DPYD: variants seen among roughly 807,000 people sequenced by gnomAD.
DPYD encodes dihydropyrimidine dehydrogenase [NADP(+)].
In DPYD, 109 loss-of-function variants were observed where a neutral mutation model predicts 116.2. The ratio of observed to expected loss-of-function variants is 0.94; its 90% CI spans 0.80 to 1.10. The LOEUF (loss-of-function observed/expected upper bound fraction) is 1.10. DPYD is among the 50% of genes least tolerant of loss of function. The pLI, the probability that DPYD is intolerant of heterozygous loss-of-function variation, is 0.00. For synonymous variants in DPYD, 440 were observed against 432.0 expected (o/e 1.02, Z -0.23); for missense variants, 1,302 against 1,254.5 (o/e 1.04, Z -0.57).
intron 3 of DPYD, among the ~76,000 whole-genome samples, chr1:97,748,621 A>T (rs1402980517): frequency 6.6e-6 from 1 of 152,026 alleles, no homozygotes; most frequent in Non-Finnish European, 1.5e-5. Context: ...ATTAATAAAT[A>T]AAACAAAAGA....
intron 8 of DPYD, among the ~76,000 whole-genome samples, chr1:97,641,926 C>A (rs982815703): frequency 1.5e-4 from 23 of 152,094 alleles, no homozygotes; most frequent in Admixed American, 5.2e-4. Flanking sequence ...AATCAATGTG[C>A]AAAAATCACA....
At chr1:97,885,943 C>T (rs1434950398) in intron 1 of DPYD, among the ~76,000 whole-genome samples, 1 of 109,054 alleles carries the variant, frequency 9.2e-6, no homozygotes. Context: ...AGCCAGTAAA[C>T]ATGACCATTA....
chr1:97,102,270 T>C (rs575216065), intron 20 of DPYD, among the ~76,000 whole-genome samples: 1 of 151,496 alleles, frequency 6.6e-6, no homozygotes, highest in African/African-American at 2.4e-5. Context: ...CTTTATTTTC[T>C]TAATCACACT....
intron 13 of DPYD, among the ~76,000 whole-genome samples, chr1:97,471,082 GAAC>G (rs774996571): frequency 6.6e-6 from 1 of 152,142 alleles, no homozygotes; most frequent in East Asian, 1.9e-4. Flanking sequence ...GCAGAATGCA[GAAC>G]AACAATGCAG....
Position 97,920,865 on chromosome 1 carries a change from G to A in DPYD, c.39+19C>T, listed in dbSNP as rs560764730. 4.5e-5 allele frequency: 71 copies of A among 1,587,784 alleles called. No individual in the cohort carries two copies. In the South Asian group the frequency reaches 7.5e-4, roughly 17 times the overall value. On this transcript the variant is annotated intron_variant, in intron 1 of 22. Coordinates refer to ENST00000370192, the MANE Select transcript of DPYD (RefSeq NM_000110.4). ...CCCACCACCCCGCCACCACCGACGA[G>A]CCGGCGCGAAGTCCGTACCTCGATG... is the stretch of plus-strand genomic sequence containing the variant.
At chr1:97,593,180 G>A (rs1352931512) in intron 10 of DPYD, 38 bp downstream of exon 10, 1 of 1,605,354 alleles carries the variant, frequency 6.2e-7, no homozygotes, top group East Asian at 2.2e-5. Context: ...AAAATCTGTT[G>A]GAGTACAACT....
At chr1:97,179,107 G>T (rs1310927361) in intron 20 of DPYD, among the ~76,000 whole-genome samples, 3 of 151,980 alleles carry the variant, frequency 2.0e-5, no homozygotes, top group African/African-American at 4.8e-5. Context: ...AAAACCAGAG[G>T]GGACAAAGAA....
intron 20 of DPYD, among the ~76,000 whole-genome samples, chr1:97,169,498 A>C (rs1258953684): frequency 1.4e-5 from 2 of 141,316 alleles, no homozygotes; most frequent in African/African-American, 2.6e-5. Flanking sequence ...ATAATTGATT[A>C]GATTTTTTTG....
chr1:97,086,649 A>G (rs1196780416), intron 21 of DPYD, among the ~76,000 whole-genome samples: 1 of 152,188 alleles, frequency 6.6e-6, no homozygotes, highest in African/African-American at 2.4e-5. Flanking sequence ...TCTTAAAGTA[A>G]AACAAAAGTC....
intron 3 of DPYD, among the ~76,000 whole-genome samples, chr1:97,772,568 G>T (rs1393903666): frequency 6.6e-6 from 1 of 152,188 alleles, no homozygotes; most frequent in East Asian, 1.9e-4. Context: ...CAGATGCATT[G>T]TTTGTGTGTG....
At chr1:97,493,595 G>A (rs1679090192) in intron 13 of DPYD, among the ~76,000 whole-genome samples, 2 of 152,022 alleles carry the variant, frequency 1.3e-5, no homozygotes, top group South Asian at 4.2e-4. Flanking sequence ...TTCATGGGAT[G>A]TAAAACATCT....
chr1:97,768,982 A>T (rs1171634003), intron 3 of DPYD, among the ~76,000 whole-genome samples: 1 of 152,014 alleles, frequency 6.6e-6, no homozygotes, highest in Non-Finnish European at 1.5e-5. Flanking sequence ...AAACACATAA[A>T]AAACTCGAGT....
chr1:97,470,698 A>G (rs1314676800), intron 13 of DPYD, among the ~76,000 whole-genome samples: 1 of 152,206 alleles, frequency 6.6e-6, no homozygotes, highest in Non-Finnish European at 1.5e-5. Flanking sequence ...CAAAAGAATT[A>G]TAAGATTTCT....
intron 5 of DPYD, among the ~76,000 whole-genome samples, chr1:97,717,562 C>T (rs1662683242): frequency 6.6e-6 from 1 of 151,904 alleles, no homozygotes. Flanking sequence ...TACACTGTAC[C>T]CAATGGGTTG....
At chr1:97,116,951 C>A (rs1420105610) in intron 20 of DPYD, among the ~76,000 whole-genome samples, 1 of 149,246 alleles carries the variant, frequency 6.7e-6, no homozygotes, top group African/African-American at 2.5e-5. Context: ...GAGTTCGAGA[C>A]CAGCCTAGCC....
chr1:97,221,833 ACT>A (rs944719446), intron 19 of DPYD, among the ~76,000 whole-genome samples: 4 of 151,960 alleles, frequency 2.6e-5, no homozygotes, highest in Non-Finnish European at 5.9e-5. Context: ...TCAACAACCA[ACT>A]TTGTTCATTC....
Position 97,556,799 on chromosome 1 carries a change from A to G in DPYD, c.1340-7055T>C, listed in dbSNP as rs1023770606. Among the ~76,000 whole-genome samples the G allele has an allele frequency of 1.5e-3, 230 of 151,554 alleles. 1 individual carries two copies. The highest frequency in any genetic ancestry group is 5.6e-3 in the South Asian group (27 of 4,796). On this transcript the variant is annotated intron_variant, in intron 11 of 22. Coordinates refer to ENST00000370192, the MANE Select transcript of DPYD (RefSeq NM_000110.4). ...GTTCCAAGTCTTTGCTATTGTGAATAATGTCGCAATAAACATACATGTGCA... is the reference window on the plus strand; with the variant it reads ...GTTCCAAGTCTTTGCTATTGTGAATGATGTCGCAATAAACATACATGTGCA...
chr1:97,665,388 A>T (rs1659501677), intron 8 of DPYD, among the ~76,000 whole-genome samples: 1 of 152,198 alleles, frequency 6.6e-6, no homozygotes, highest in African/African-American at 2.4e-5. Flanking sequence ...ATTTTTCATT[A>T]TCAATCTTTT....
chr1:97,884,079 A>G (rs954159571), intron 1 of DPYD, among the ~76,000 whole-genome samples: 1 of 152,000 alleles, frequency 6.6e-6, no homozygotes, highest in South Asian at 2.1e-4. Flanking sequence ...TACATTGACA[A>G]AAAGCTAAAA....
Sources: gnomAD v4.1 joint callset for allele counts (sites outside exome capture counted in the v4.1 genomes callset) on GRCh38, gnomAD v4.1.1 for gene constraint, MANE v1.5 for transcripts, NCBI Gene and HGNC (gene_info 2026-07-23, HGNC 2026-07-21) for gene names.